CC2D2B: variants seen among roughly 807,000 people sequenced by gnomAD.
The protein encoded by CC2D2B is protein CC2D2B.
A neutral mutation model predicts 161.2 loss-of-function variants in CC2D2B; 128 were observed. The observed-to-expected ratio is 0.79, with a 90% CI of 0.69 to 0.92. The LOEUF (loss-of-function observed/expected upper bound fraction) is 0.92, where lower values mean the gene tolerates loss of function less well. CC2D2B is among the 40% of genes least tolerant of loss of function. The pLI, the probability that CC2D2B is intolerant of heterozygous loss-of-function variation, is 0.00. For synonymous variants in CC2D2B, 391 were observed against 449.8 expected (o/e 0.87, Z 1.65); for missense variants, 1,173 against 1,375.1 (o/e 0.85, Z 2.32).
chr10:95,931,604 A>G (rs1407271940), intron 6 of CC2D2B, among the ~76,000 whole-genome samples: 3 of 152,188 alleles, frequency 2.0e-5, no homozygotes, highest in African/African-American at 7.2e-5. Flanking sequence ...TTGGTTTCAA[A>G]TAACTTATTT....
At chr10:95,913,404 T>C (rs1173176513) in intron 2 of CC2D2B, 8 of 409,796 alleles carry the variant, frequency 2.0e-5, no homozygotes, top group Non-Finnish European at 2.9e-5. Flanking sequence ...TCTTGGCTCT[T>C]GTGAACAGTG....
chr10:95,996,095 C>A, intron 23 of CC2D2B, 48 bp from the exon 24 acceptor site: 1 of 848,528 alleles, frequency 1.2e-6, no homozygotes, highest in Non-Finnish European at 1.8e-6. Context: ...CCTTTATCGA[C>A]TATATATAGT....
chr10:95,977,250 A>T (rs1026033112), intron 17 of CC2D2B, among the ~76,000 whole-genome samples: 1 of 152,068 alleles, frequency 6.6e-6, no homozygotes, highest in Non-Finnish European at 1.5e-5. Flanking sequence ...TGGCACACGC[A>T]TGTAGTCCCA....
chr10:95,966,928 G>A lies in CC2D2B; in HGVS notation c.1466+626G>A, dbSNP rs138304629. 4.4e-4 allele frequency among the ~76,000 whole-genome samples: 67 copies of A among 152,034 alleles called. 2 individuals are homozygous for A. The East Asian group carries it at 0.012, about 27-fold the overall frequency. On this transcript the variant is annotated intron_variant, in intron 14 of 34. Coordinates refer to ENST00000646931, the MANE Select transcript of CC2D2B (RefSeq NM_001349008.3). ...CCATTTCTCCATCTACTAGGCCTAT[G>A]GATCCCATCTCCCTTAAAGAGGATA...
At position 95,938,678 on chromosome 10, in the gene CC2D2B, G is replaced by A. The variant is rs1253044255; in HGVS notation, c.645G>A (p.Met215Ile). Residue 215 changes from methionine (M) to isoleucine (I), a missense_variant, in exon 8 of 35, where the codon ATG becomes ATA. Met to Ile is a conservative substitution (Grantham distance 10). Transcript: ENST00000646931. ...TATACAAAAAGACCTGCAACAAAAT[G>A]GAAAATCGCCTGCTTAAACTAGAAG... ...PEIYKKTCNK[M>I]ENRLLKLEEG... The A allele has an allele frequency of 1.4e-6, 1 of 713,362 alleles. No homozygotes were observed. Among genetic ancestry groups the A allele is most frequent in the Non-Finnish European group, 2.6e-6 (1 of 383,684 alleles). The allele number at this position is 713,362 out of a possible 1,614,324, so 44.2% of individuals were successfully genotyped here.
intron 19 of CC2D2B, 104 bp from the exon 20 acceptor site, chr10:95,988,146 G>T (rs889011419): frequency 1.2e-5 from 5 of 415,346 alleles, no homozygotes; most frequent in African/African-American, 1.0e-4. Flanking sequence ...AATGTTTCCA[G>T]TGTCTTACAC....
intron 24 of CC2D2B, among the ~76,000 whole-genome samples, chr10:96,003,188 C>T (rs1260535271): frequency 5.3e-5 from 8 of 151,792 alleles, no homozygotes; most frequent in Non-Finnish European, 1.2e-4. Context: ...ACCTATTGTA[C>T]AGGATTGAGA....
chr10:95,982,229 T>A, intron 18 of CC2D2B, 116 bp downstream of exon 18: 1 of 645,260 alleles, frequency 1.5e-6, no homozygotes, highest in Non-Finnish European at 2.2e-6. Context: ...TGGGGTTATG[T>A]AAAAGTAAAT....
At chr10:95,987,436 A>G (rs80077655) in intron 19 of CC2D2B, among the ~76,000 whole-genome samples, 6,296 of 152,334 alleles carry the variant, frequency 0.041, 259 homozygotes, top group African/African-American at 0.098. Flanking sequence ...TAATTAGAAG[A>G]ACAAGTAACT....
At chr10:95,909,651 A>G (rs1171025487) in intron 1 of CC2D2B, among the ~76,000 whole-genome samples, 1 of 152,246 alleles carries the variant, frequency 6.6e-6, no homozygotes, top group Non-Finnish European at 1.5e-5. Context: ...GATCACAATT[A>G]AAGATATGTT....
chr10:95,964,906 G>T (rs906535674), intron 12 of CC2D2B, among the ~76,000 whole-genome samples: 2 of 152,010 alleles, frequency 1.3e-5, no homozygotes, highest in African/African-American at 4.8e-5. Context: ...GGATGTTTTT[G>T]TCACCTCCTA....
At chr10:95,960,744 G>A (rs2076733578) in intron 11 of CC2D2B, among the ~76,000 whole-genome samples, 1 of 152,064 alleles carries the variant, frequency 6.6e-6, no homozygotes, top group African/African-American at 2.4e-5. Context: ...AACTTCTGGG[G>A]TCAAGTGATC....
chr10:95,915,493 GAC>G (rs2098514511), intron 2 of CC2D2B, among the ~76,000 whole-genome samples: 1 of 152,290 alleles, frequency 6.6e-6, no homozygotes, highest in South Asian at 2.1e-4. Context: ...GATCTTAGAG[GAC>G]AGGCTTTCAG....
chr10:95,966,219 A>T lies in CC2D2B; in HGVS notation c.1383A>T (p.Thr461=). 8.2e-7 allele frequency: 1 copy of T among 1,226,294 alleles called. No homozygotes were observed. Among genetic ancestry groups the T allele is most frequent in the Non-Finnish European group, 1.0e-6 (1 of 982,870 alleles). 76.0% of individuals were successfully genotyped at this position (1,226,294 alleles called of 1,614,324 possible). A position where few individuals can be genotyped will look rare whatever the true frequency, so the allele number is the denominator to read the frequency against. Residue 461 remains threonine, a synonymous_variant, in exon 14 of 35, where the codon ACA becomes ACT. Coordinates refer to ENST00000646931, the MANE Select transcript of CC2D2B (RefSeq NM_001349008.3). ...ESLSYLASDE[T]EIERIKPITL... is the part of the protein sequence containing the mutation. ...TCTCATATCTAGCTTCAGACGAAAC[A>T]GAAATTGAAAGAATAAAGCCAATTA...
chr10:95,970,814 A>G (rs568694798), intron 15 of CC2D2B, among the ~76,000 whole-genome samples: 1 of 152,318 alleles, frequency 6.6e-6, no homozygotes, highest in African/African-American at 2.4e-5. Context: ...AACTCCTACA[A>G]ACCTTTCTGC....
chr10:96,029,241 C>CATATATAT (rs56195141), intron 34 of CC2D2B, among the ~76,000 whole-genome samples: 21 of 67,162 alleles, frequency 3.1e-4, no homozygotes, highest in Non-Finnish European at 7.1e-4. Context: ...TTTCATGTAC[C>CATATATAT]ATATATATAT....
intron 2 of CC2D2B, among the ~76,000 whole-genome samples, chr10:95,915,049 TG>T (rs1302084167): frequency 6.6e-6 from 1 of 152,228 alleles, no homozygotes; most frequent in East Asian, 1.9e-4. Context: ...TCTATGAACA[TG>T]AAATATCTTT....
chr10:95,999,442 G>A (rs2078371856), intron 24 of CC2D2B, among the ~76,000 whole-genome samples: 1 of 150,678 alleles, frequency 6.6e-6, no homozygotes, highest in Non-Finnish European at 1.5e-5. Context: ...CATTACTTTT[G>A]TCTGTTTTTC....
intron 12 of CC2D2B, among the ~76,000 whole-genome samples, chr10:95,963,732 T>G (rs955296451): frequency 6.6e-6 from 1 of 152,312 alleles, no homozygotes; most frequent in Non-Finnish European, 1.5e-5. Flanking sequence ...AGGAAGTGGT[T>G]AGCAGTTATT....
Sources: gnomAD v4.1 joint callset for allele counts (sites outside exome capture counted in the v4.1 genomes callset) on GRCh38, gnomAD v4.1.1 for gene constraint, MANE v1.5 for transcripts, NCBI Gene and HGNC (gene_info 2026-07-23, HGNC 2026-07-21) for gene names.